Variants in AK9 observed in about 807,000 individuals in gnomAD.
AK9 encodes the protein adenylate kinase domain containing 1.
Under a neutral mutation model 239.6 loss-of-function variants are expected in AK9, and 191 were observed. The observed-to-expected ratio is 0.80, with a 90% CI of 0.71 to 0.90. The LOEUF (loss-of-function observed/expected upper bound fraction) is 0.90, where lower values mean the gene tolerates loss of function less well. AK9 is among the 40% of genes least tolerant of loss of function. The probability of loss-of-function intolerance (pLI) is 0.00; values close to 1 mark genes in which losing one functional copy is unlikely to be tolerated. For synonymous variants in AK9, 689 were observed against 721.0 expected, an observed-to-expected ratio of 0.96 and a Z score of 0.71; for missense variants, 1,995 against 2,214.7, an observed-to-expected ratio of 0.90 and a Z score of 1.99.
At chr6:109,651,051 A>G (rs912737696) in intron 8 of AK9, among the ~76,000 whole-genome samples, 8 of 152,214 alleles carry the variant, frequency 5.3e-5, no homozygotes, top group African/African-American at 1.9e-4. Context: ...TGGACACAGG[A>G]ATGGGAACAT....
chr6:109,658,634 T>C (rs887954820), intron 7 of AK9, among the ~76,000 whole-genome samples: 6 of 152,138 alleles, frequency 3.9e-5, no homozygotes, highest in Non-Finnish European at 8.8e-5. Context: ...AATGTTTATG[T>C]TGATTGTAAG....
intron 32 of AK9, 29 bp from the exon 33 acceptor site, chr6:109,509,409 T>A (rs1778450860): frequency 1.3e-6 from 2 of 1,525,830 alleles, no homozygotes; most frequent in East Asian, 4.9e-5. Context: ...TTAAATTAAA[T>A]TAAATGATTT....
chr6:109,625,738 G>A (rs921705852), intron 12 of AK9, among the ~76,000 whole-genome samples: 1 of 152,180 alleles, frequency 6.6e-6, no homozygotes, highest in East Asian at 1.9e-4. Flanking sequence ...GTGCCAAAAA[G>A]GTTGGGGACT....
chr6:109,586,555 C>T (rs1328444292), intron 17 of AK9, among the ~76,000 whole-genome samples: 1 of 152,152 alleles, frequency 6.6e-6, no homozygotes, highest in South Asian at 2.1e-4. Context: ...TAACATGCTT[C>T]CAGGTGATAA....
In AK9 at chr6:109,612,081, G is replaced by A. The variant is rs1456534232; in HGVS notation, c.1622C>T (p.Thr541Ile). The change falls in exon 16 of 41, where the codon ACT (threonine) becomes ATT (isoleucine). Residue 541 changes from threonine (T) to isoleucine (I), a missense_variant. Physicochemically the swap from Thr to Ile is moderately conservative, Grantham distance 89. Around this residue, in one of 5 missense-constraint regions of AK9, gnomAD observed 1,290 missense variants for 1,392.7 expected, o/e 0.93. Coordinates refer to ENST00000424296, the MANE Select transcript of AK9 (RefSeq NM_001145128.3). The part of the protein sequence containing the change: ...AKVDKDDGKE[T>I]GETFTFKRHS... ...CCTTTTAAATGTGAATGTTTCACCAGTTTCTTTTCCATCTGTGAATAAAAC... is the reference window on the plus strand; with the variant it reads ...CCTTTTAAATGTGAATGTTTCACCAATTTCTTTTCCATCTGTGAATAAAAC... The A allele has an allele frequency of 1.5e-5, 23 of 1,537,316 alleles. No individual in the cohort carries two copies. Among genetic ancestry groups the A allele is most frequent in the Non-Finnish European group, 1.8e-5 (21 of 1,140,576 alleles).
At chr6:109,551,978 G>A (rs1784423826) in intron 24 of AK9, among the ~76,000 whole-genome samples, 1 of 151,970 alleles carries the variant, frequency 6.6e-6, no homozygotes, top group African/African-American at 2.4e-5. Context: ...TGTGATTTTG[G>A]TTTTCTGTTC....
intron 1 of AK9, among the ~76,000 whole-genome samples, chr6:109,681,682 C>A (rs1333101482): frequency 2.6e-5 from 4 of 152,086 alleles, no homozygotes; most frequent in Non-Finnish European, 5.9e-5. Context: ...CTAAAATTGA[C>A]CACATAATTG....
intron 29 of AK9, among the ~76,000 whole-genome samples, chr6:109,520,458 A>T (rs1199715472): frequency 2.0e-5 from 3 of 151,936 alleles, no homozygotes; most frequent in African/African-American, 7.3e-5. Flanking sequence ...TGAGTTTTGT[A>T]TTCTGTTCCA....
chr6:109,659,816 T>C (rs1191303670), intron 6 of AK9, among the ~76,000 whole-genome samples: 1 of 152,188 alleles, frequency 6.6e-6, no homozygotes, highest in Non-Finnish European at 1.5e-5. Context: ...CAATAAAATA[T>C]ATTGTTTATT....
At chr6:109,675,822 T>C (rs968174556) in intron 1 of AK9, 66 bp from the exon 2 acceptor site, 19 of 900,448 alleles carry the variant, frequency 2.1e-5, no homozygotes, top group Middle Eastern at 2.3e-4. Flanking sequence ...CTAGGAACAA[T>C]TGAAATAACC....
At chr6:109,529,146 T>C (rs1490859002) in intron 28 of AK9, 73 bp from the exon 29 acceptor site, 5 of 1,449,928 alleles carry the variant, frequency 3.4e-6, no homozygotes, top group Non-Finnish European at 4.6e-6. Flanking sequence ...TTCATATATT[T>C]TTATATAAAG....
At chr6:109,606,364 G>C (rs953902581) in intron 17 of AK9, among the ~76,000 whole-genome samples, 4 of 152,130 alleles carry the variant, frequency 2.6e-5, no homozygotes, top group Non-Finnish European at 5.9e-5. Context: ...AGGAGGCACA[G>C]AAAGACATAA....
intron 1 of AK9, 51 bp from the exon 2 acceptor site, chr6:109,675,807 G>C: frequency 9.4e-7 from 1 of 1,064,416 alleles, no homozygotes; most frequent in Non-Finnish European, 1.4e-6. Context: ...GGTTGGATGA[G>C]GTGACTAGGA....
In AK9 at chr6:109,632,958, GTGT is replaced by G. The variant is rs768493421; in HGVS notation, c.1216_1218del (p.Thr406del). 3 of 1,613,318 alleles carry G rather than the reference GTGT, an allele frequency of 1.9e-6. No individual in the cohort carries two copies. Among genetic ancestry groups the G allele is most frequent in the South Asian group, 2.2e-5 (2 of 90,952 alleles). On this transcript the variant is annotated inframe_deletion, in exon 12 of 41. Coordinates refer to ENST00000424296, the MANE Select transcript of AK9 (RefSeq NM_001145128.3). ...TAATTTTCTGCAAGCATATTGCAAAGTGTTGTTTTCCCTGAATATTGAGGTCCA... is the reference window on the plus strand; with the variant it reads ...TAATTTTCTGCAAGCATATTGCAAAGTGTTTTCCCTGAATATTGAGGTCCA...
chr6:109,677,330 C>T (rs1771904287), intron 1 of AK9, among the ~76,000 whole-genome samples: 2 of 152,162 alleles, frequency 1.3e-5, no homozygotes. Flanking sequence ...AACAAAAACT[C>T]ATAATTGCAC....
chr6:109,640,084 C>T (rs769055651), intron 10 of AK9, among the ~76,000 whole-genome samples: 2 of 152,244 alleles, frequency 1.3e-5, no homozygotes, highest in South Asian at 2.1e-4. Context: ...GGTAGCGTGA[C>T]GCCTCCACCT....
At chr6:109,582,637 G>A (rs1037942639) in intron 19 of AK9, among the ~76,000 whole-genome samples, 5 of 152,180 alleles carry the variant, frequency 3.3e-5, no homozygotes, top group Admixed American at 2.6e-4. Context: ...TCTTGGTGAA[G>A]ATGCTGTGAA....
At chr6:109,580,516 G>A (rs377331209) in intron 19 of AK9, among the ~76,000 whole-genome samples, 10 of 152,230 alleles carry the variant, frequency 6.6e-5, no homozygotes, top group South Asian at 2.1e-4. Flanking sequence ...GGTATTCATC[G>A]GTTAAGGAAG....
intron 17 of AK9, among the ~76,000 whole-genome samples, chr6:109,603,970 C>G (rs1792476847): frequency 6.6e-6 from 1 of 152,194 alleles, no homozygotes; most frequent in African/African-American, 2.4e-5. Flanking sequence ...TGCCTTCTGT[C>G]ACAGCTTTGC....
Sources: gnomAD v4.1 joint callset for allele counts (sites outside exome capture counted in the v4.1 genomes callset) on GRCh38, gnomAD v4.1.1 for gene constraint, gnomAD v4.1.1 regional missense constraint, MANE v1.5 for transcripts, NCBI Gene and HGNC (gene_info 2026-07-23, HGNC 2026-07-21) for gene names.